PKP4: variants seen among roughly 807,000 people sequenced by gnomAD.
The protein encoded by PKP4 is plakophilin 4, also known as plakophilin-4.
PKP4 carries 90 observed loss-of-function variants against 145.1 expected under a neutral mutation model. That is an observed-to-expected ratio of 0.62 (90% CI 0.52 to 0.74). The LOEUF is 0.74. Ranked by LOEUF, PKP4 falls within the 30% of genes least tolerant of loss-of-function variation. The pLI is 0.00. For synonymous variants in PKP4, 563 were observed against 577.2 expected, an observed-to-expected ratio of 0.98 and a Z score of 0.35; for missense variants, 1,340 against 1,482.7, an observed-to-expected ratio of 0.90 and a Z score of 1.58.
Position 158,457,234 on chromosome 2 carries a change from C to T in PKP4, c.-6+16C>T, listed in dbSNP as rs958033730. On this transcript the variant is annotated intron_variant, in intron 1 of 21. Transcript: ENST00000389759. ...AAGCTGGAAAGTAAGTGTGTGGGCT[C>T]GCGGGAGGGCGCGGAGACTCCTGCC... 2.6e-5 allele frequency: 4 copies of T among 151,576 alleles called. No individual in the cohort carries two copies. The highest frequency in any genetic ancestry group is 9.7e-5 in the African/African-American group (4 of 41,294). The allele number at this position is 151,576 out of a possible 1,614,324, so 9.4% of individuals were successfully genotyped here.
At chr2:158,661,522 C>T (rs2056581606) in intron 13 of PKP4, 72 bp downstream of exon 13, 5 of 967,134 alleles carry the variant, frequency 5.2e-6, no homozygotes, top group Admixed American at 3.4e-5. Flanking sequence ...TATTTGCATG[C>T]CATTGGTTCT....
At chr2:158,611,422 C>T (rs183236530) in intron 4 of PKP4, among the ~76,000 whole-genome samples, 10 of 152,212 alleles carry the variant, frequency 6.6e-5, no homozygotes, top group African/African-American at 2.4e-4. Context: ...TGTATAGATA[C>T]AAGTTTCTTC....
chr2:158,514,334 G>A lies in PKP4; in HGVS notation c.-5-18846G>A, dbSNP rs568635182. ...AATAAGTTATCATCCAGTCCATTGC[G>A]TTCTCCATCTGTGATCAACAGAACT... is the stretch of plus-strand genomic sequence containing the variant. On this transcript the variant is annotated intron_variant, in intron 1 of 21. Coordinates refer to ENST00000389759, the MANE Select transcript of PKP4 (RefSeq NM_003628.6). Among the ~76,000 whole-genome samples the A allele has an allele frequency of 3.9e-5, 6 of 152,300 alleles. No individual in the cohort carries two copies. In the East Asian group the frequency reaches 1.2e-3, roughly 29 times the overall value.
chr2:158,483,277 TC>T (rs1693637271), intron 1 of PKP4, among the ~76,000 whole-genome samples: 1 of 152,170 alleles, frequency 6.6e-6, no homozygotes, highest in East Asian at 1.9e-4. Flanking sequence ...ATTCAAAGAC[TC>T]CCCAATTTCT....
chr2:158,547,254 C>A (rs990291873), intron 2 of PKP4, among the ~76,000 whole-genome samples: 1 of 152,146 alleles, frequency 6.6e-6, no homozygotes, highest in East Asian at 1.9e-4. Context: ...TTCACAAATA[C>A]CCACCAAACT....
intron 3 of PKP4, among the ~76,000 whole-genome samples, chr2:158,590,631 G>A (rs1019621692): frequency 6.6e-6 from 1 of 151,930 alleles, no homozygotes; most frequent in Non-Finnish European, 1.5e-5. Context: ...ATGTCTTTCA[G>A]TAAAGACATT....
intron 1 of PKP4, among the ~76,000 whole-genome samples, chr2:158,506,121 G>T (rs2105510755): frequency 6.6e-6 from 1 of 152,332 alleles, no homozygotes; most frequent in Non-Finnish European, 1.5e-5. Context: ...TCAGAATTGT[G>T]TTGCTTTGCT....
At position 158,676,806 on chromosome 2, in the gene PKP4, C is replaced by A; in HGVS notation, c.3195C>A (p.Thr1065=). Residue 1065 remains threonine, a synonymous_variant, in exon 20 of 22, where the codon ACC becomes ACA. Transcript: ENST00000389759. ...ACCCTCGCTCTGAATACGATAGGAC[C>A]CAGCCACCTATGCAGTATTACAATA... is the stretch of plus-strand genomic sequence containing the variant. ...IRDPRSEYDR[T]QPPMQYYNSQ... 1 of 1,614,050 alleles carries A rather than the reference C, an allele frequency of 6.2e-7. No individual in the cohort carries two copies. The highest frequency in any genetic ancestry group is 8.5e-7 in the Non-Finnish European group (1 of 1,179,988).
At chr2:158,510,408 C>G (rs1574187243) in intron 1 of PKP4, among the ~76,000 whole-genome samples, 1 of 152,106 alleles carries the variant, frequency 6.6e-6, no homozygotes, top group South Asian at 2.1e-4. Flanking sequence ...AAATTTAAAT[C>G]TAAAAAGATG....
At chr2:158,538,021 AAAAG>A (rs2044205190) in intron 2 of PKP4, among the ~76,000 whole-genome samples, 1 of 152,198 alleles carries the variant, frequency 6.6e-6, no homozygotes, top group Non-Finnish European at 1.5e-5. Flanking sequence ...TGTCTCCAAA[AAAAG>A]AAAGAAAAAT....
At chr2:158,652,791 A>C (rs1459214947) in intron 11 of PKP4, among the ~76,000 whole-genome samples, 2 of 152,180 alleles carry the variant, frequency 1.3e-5, no homozygotes, top group Non-Finnish European at 2.9e-5. Context: ...ACGGGAATGC[A>C]CAGTCCTGTT....
At chr2:158,523,926 T>G (rs1421534334) in intron 1 of PKP4, among the ~76,000 whole-genome samples, 1 of 123,768 alleles carries the variant, frequency 8.1e-6, no homozygotes, top group African/African-American at 3.3e-5. Context: ...AAGGGAAGTT[T>G]AGAGAAAAAA....
intron 1 of PKP4, among the ~76,000 whole-genome samples, chr2:158,509,311 G>T (rs527942760): frequency 6.6e-6 from 1 of 152,240 alleles, no homozygotes; most frequent in East Asian, 1.9e-4. Flanking sequence ...TATAAACACA[G>T]TTAAAATCTT....
In PKP4 at chr2:158,665,361, G is replaced by C. The variant is rs146044859; in HGVS notation, c.2578-1052G>C. Among the ~76,000 whole-genome samples the C allele has an allele frequency of 8.4e-3, 1,274 of 152,252 alleles. 18 individuals are homozygous for C. The highest frequency in any genetic ancestry group is 0.028 in the African/African-American group (1,168 of 41,530). The stretch of plus-strand genomic sequence containing the variant: ...CATGTGATTTGAAAAATAGGAGTAT[G>C]CATTTCATATGCAGAATATAAATAG... On this transcript the variant is annotated intron_variant, in intron 15 of 21. Coordinates refer to ENST00000389759, the MANE Select transcript of PKP4 (RefSeq NM_003628.6).
intron 1 of PKP4, among the ~76,000 whole-genome samples, chr2:158,483,306 G>A (rs1238762125): frequency 3.3e-5 from 5 of 149,326 alleles, no homozygotes; most frequent in African/African-American, 9.8e-5. Flanking sequence ...TTCTGGGAAT[G>A]TTTGATCTTT....
intron 1 of PKP4, among the ~76,000 whole-genome samples, chr2:158,461,423 ACT>A (rs1353521843): frequency 1.3e-5 from 2 of 152,184 alleles, no homozygotes; most frequent in Non-Finnish European, 2.9e-5. Context: ...GTTTATTATG[ACT>A]CATATATAAT....
chr2:158,642,435 C>T lies in PKP4; in HGVS notation c.1696-51C>T, dbSNP rs2301985. ...TCCATAACGGACTTCTGTATGATCA[C>T]TGATTAATTGCATGTTACTTAGGCC... On this transcript the variant is annotated intron_variant, in intron 10 of 21. Transcript: ENST00000389759. 21,321 of 1,337,584 alleles carry T rather than the reference C, an allele frequency of 0.016. 970 individuals are homozygous for T. In the East Asian group the frequency reaches 0.19, roughly 12 times the overall value. The allele number at this position is 1,337,584 out of a possible 1,614,324, so 82.9% of individuals were successfully genotyped here.
chr2:158,670,057 G>A (rs2057427496), intron 17 of PKP4, 142 bp downstream of exon 17: 1 of 655,312 alleles, frequency 1.5e-6, no homozygotes, highest in African/African-American at 1.8e-5. Context: ...GCAGTCTCCA[G>A]CACTTACAAC....
intron 10 of PKP4, among the ~76,000 whole-genome samples, chr2:158,641,882 T>G (rs1197505035): frequency 6.6e-6 from 1 of 152,204 alleles, no homozygotes; most frequent in Admixed American, 6.5e-5. Context: ...AAAGCACAAT[T>G]CTTGATGTGT....
Sources: allele counts gnomAD v4.1 joint callset (sites outside exome capture counted in the v4.1 genomes callset), GRCh38; gene constraint gnomAD v4.1.1; transcripts MANE v1.5; gene names NCBI Gene and HGNC (gene_info 2026-07-23, HGNC 2026-07-21).